The following GRIN2A variants were observed in gnomAD, a reference collection of about 807,000 sequenced individuals.
GRIN2A encodes glutamate ionotropic receptor NMDA type subunit 2A.
Under a neutral mutation model 113.4 loss-of-function variants are expected in GRIN2A, and 22 were observed. The observed-to-expected ratio is 0.19, with a 90% CI of 0.14 to 0.28. The LOEUF (loss-of-function observed/expected upper bound fraction) is 0.28. GRIN2A is among the 10% of genes least tolerant of loss of function. GRIN2A has a pLI of 1.00. For synonymous variants in GRIN2A, 827 were observed against 738.4 expected (o/e 1.12, Z -1.94); for missense variants, 1,502 against 1,887.0 (o/e 0.80, Z 3.78).
chr16:10,105,202 C>A (rs1291274973), intron 2 of GRIN2A, among the ~76,000 whole-genome samples: 1 of 152,096 alleles, frequency 6.6e-6, no homozygotes, highest in Non-Finnish European at 1.5e-5. Context: ...TGACAAAAAG[C>A]CTAAGGATCC....
At chr16:9,898,915 G>A (rs1305533816) in intron 3 of GRIN2A, among the ~76,000 whole-genome samples, 3 of 150,906 alleles carry the variant, frequency 2.0e-5, no homozygotes, top group Non-Finnish European at 4.4e-5. Context: ...GGGCGCAAAT[G>A]AATCCTCATC....
Position 9,757,553 on chromosome 16 carries a change from A to G in GRIN2A, c.*5596T>C, listed in dbSNP as rs1372739809. On this transcript the variant is annotated 3_prime_UTR_variant, in exon 13 of 13. Transcript: ENST00000330684. ...CTTATGGGAAGAGACTATATTTTCT[A>G]TTTATTTTGCATCCCCTCCCCCACA... The G allele has an allele frequency of 1.3e-5, 3 of 226,980 alleles. No individual in the cohort carries two copies. The highest frequency in any genetic ancestry group is 4.4e-5 in the African/African-American group (2 of 44,950). The allele number at this position is 226,980 out of a possible 1,614,324, so 14.1% of individuals were successfully genotyped here.
intron 2 of GRIN2A, among the ~76,000 whole-genome samples, chr16:10,062,179 C>G (rs1254509258): frequency 6.6e-6 from 1 of 152,170 alleles, no homozygotes; most frequent in African/African-American, 2.4e-5. Context: ...GTATCCACTT[C>G]TACCTAAGGC....
chr16:10,082,758 T>C (rs1328461142), intron 2 of GRIN2A, among the ~76,000 whole-genome samples: 4 of 152,188 alleles, frequency 2.6e-5, no homozygotes, highest in South Asian at 4.1e-4. Flanking sequence ...GGTCGGTTGT[T>C]ACACAGCAAT....
At chr16:10,082,073 C>T (rs944607871) in intron 2 of GRIN2A, among the ~76,000 whole-genome samples, 3 of 152,194 alleles carry the variant, frequency 2.0e-5, no homozygotes, top group Non-Finnish European at 2.9e-5. Flanking sequence ...CACCTGGACA[C>T]AGTGTCTTTG....
intron 2 of GRIN2A, among the ~76,000 whole-genome samples, chr16:10,155,298 T>C (rs918844885): frequency 6.6e-6 from 1 of 151,938 alleles, no homozygotes; most frequent in Non-Finnish European, 1.5e-5. Flanking sequence ...AGGAAGAAGT[T>C]TTATTACCAT....
At chr16:9,921,166 A>T (rs2044351131) in intron 3 of GRIN2A, among the ~76,000 whole-genome samples, 1 of 152,220 alleles carries the variant, frequency 6.6e-6, no homozygotes, top group Non-Finnish European at 1.5e-5. Context: ...CCAAACATAG[A>T]TCCCTGTGCT....
intron 4 of GRIN2A, among the ~76,000 whole-genome samples, chr16:9,867,453 A>G (rs548512462): frequency 2.1e-4 from 32 of 152,238 alleles, no homozygotes; most frequent in African/African-American, 7.2e-4. Context: ...CTGCCTCTGC[A>G]CACATGTCTT....
intron 10 of GRIN2A, among the ~76,000 whole-genome samples, chr16:9,806,114 G>A (rs7184078): frequency 1.5e-3 from 231 of 152,278 alleles, no homozygotes; most frequent in African/African-American, 4.9e-3. Flanking sequence ...CTTGCATAGC[G>A]TAGTTAAATT....
chr16:9,911,285 G>A (rs1444618013), intron 3 of GRIN2A, among the ~76,000 whole-genome samples: 2 of 152,142 alleles, frequency 1.3e-5, no homozygotes, highest in Non-Finnish European at 2.9e-5. Context: ...CCAGGAGTTT[G>A]AGACCAGCTT....
At chr16:9,866,565 T>C (rs905749896) in intron 4 of GRIN2A, among the ~76,000 whole-genome samples, 2 of 152,168 alleles carry the variant, frequency 1.3e-5, no homozygotes, top group African/African-American at 4.8e-5. Flanking sequence ...TAAGTTGAAA[T>C]TGGCAATTGG....
chr16:10,055,065 A>G (rs2047425522), intron 2 of GRIN2A, among the ~76,000 whole-genome samples: 1 of 80,514 alleles, frequency 1.2e-5, no homozygotes, highest in Non-Finnish European at 2.2e-5. Flanking sequence ...AAAAAAAAAA[A>G]AAAAAAAAAA....
Position 9,759,847 on chromosome 16 carries a change from G to A in GRIN2A, c.*3302C>T, listed in dbSNP as rs747525778. 2.6e-5 allele frequency: 6 copies of A among 229,606 alleles called. No individual in the cohort carries two copies. The highest frequency in any genetic ancestry group is 4.3e-5 in the Non-Finnish European group (5 of 115,850). 14.2% of individuals were successfully genotyped at this position (229,606 alleles called of 1,614,324 possible). A position where few individuals can be genotyped will look rare whatever the true frequency, so the allele number is the denominator to read the frequency against. Reference sequence around the variant, plus strand: ...ATAAGTGGCCTAAGAACCTGCAGATGTAAGGATGATGAAACCCATTTTCCA... The same window carrying A: ...ATAAGTGGCCTAAGAACCTGCAGATATAAGGATGATGAAACCCATTTTCCA... On this transcript the variant is annotated 3_prime_UTR_variant, in exon 13 of 13. Transcript: ENST00000330684.
chr16:10,018,547 G>C (rs1324605498), intron 2 of GRIN2A, among the ~76,000 whole-genome samples: 1 of 152,132 alleles, frequency 6.6e-6, no homozygotes, highest in Non-Finnish European at 1.5e-5. Context: ...GAACCCTAGA[G>C]GCTATTTCAC....
At chr16:10,164,446 C>A (rs1042287218) in intron 2 of GRIN2A, among the ~76,000 whole-genome samples, 3 of 152,224 alleles carry the variant, frequency 2.0e-5, no homozygotes, top group Admixed American at 6.5e-5. Context: ...CCCATCCCTA[C>A]CGTTCCCCAC....
chr16:9,854,516 A>G (rs1805909753), intron 4 of GRIN2A, among the ~76,000 whole-genome samples: 1 of 152,124 alleles, frequency 6.6e-6, no homozygotes, highest in Non-Finnish European at 1.5e-5. Context: ...TGGAGTATGT[A>G]TGCTCCAAAT....
At chr16:10,051,456 A>T (rs1199044866) in intron 2 of GRIN2A, among the ~76,000 whole-genome samples, 1 of 152,208 alleles carries the variant, frequency 6.6e-6, no homozygotes, top group Non-Finnish European at 1.5e-5. Context: ...CAGAGCCAAG[A>T]TCAATGGCTG....
chr16:10,063,927 A>C (rs959100072), intron 2 of GRIN2A, among the ~76,000 whole-genome samples: 2 of 152,140 alleles, frequency 1.3e-5, no homozygotes, highest in African/African-American at 4.8e-5. Context: ...TCATGACCCC[A>C]CAGTCACCGT....
At chr16:9,843,612 T>A (rs897175844) in intron 5 of GRIN2A, among the ~76,000 whole-genome samples, 2 of 152,184 alleles carry the variant, frequency 1.3e-5, no homozygotes, top group African/African-American at 4.8e-5. Flanking sequence ...CACCATTGTA[T>A]CCCACCCCCA....
Sources: gnomAD v4.1 joint callset for allele counts (sites outside exome capture counted in the v4.1 genomes callset) on GRCh38, gnomAD v4.1.1 for gene constraint, MANE v1.5 for transcripts, NCBI Gene and HGNC (gene_info 2026-07-23, HGNC 2026-07-21) for gene names.